Variants in GLIS3 observed in about 807,000 individuals in gnomAD.
The protein encoded by GLIS3 is GLIS family zinc finger 3.
Under a neutral mutation model 78.6 loss-of-function variants are expected in GLIS3, and 53 were observed. The observed-to-expected ratio is 0.67, with a 90% CI of 0.54 to 0.85. The LOEUF is 0.85. Among genes scored for constraint, GLIS3 ranks in the 40% least tolerant of loss-of-function variants. The probability of loss-of-function intolerance (pLI) is 0.00; values close to 1 mark genes in which losing one functional copy is unlikely to be tolerated. For synonymous variants in GLIS3, 684 were observed against 509.9 expected, an observed-to-expected ratio of 1.34 and a Z score of -4.60; for missense variants, 1,703 against 1,231.1, an observed-to-expected ratio of 1.38 and a Z score of -5.74.
chr9:4,244,565 T>C (rs1161014693), intron 2 of GLIS3, among the ~76,000 whole-genome samples: 3 of 152,104 alleles, frequency 2.0e-5, no homozygotes, highest in Non-Finnish European at 4.4e-5. Flanking sequence ...CTGTTAAAGA[T>C]CTCAAGGAAT....
chr9:3,926,128 G>C (rs1025761054), intron 6 of GLIS3, among the ~76,000 whole-genome samples: 2 of 152,078 alleles, frequency 1.3e-5, no homozygotes, highest in Non-Finnish European at 2.9e-5. Flanking sequence ...AACAAATTAA[G>C]ATGATCCTAA....
the GLIS3 span, among the ~76,000 whole-genome samples, chr9:4,377,597 C>T: frequency 2.9e-4 from 23 of 78,052 alleles, 6 homozygotes; most frequent in East Asian, 5.6e-3. Flanking sequence ...AACCCTAATA[C>T]AGGGTAATAA....
chr9:4,394,133 TTTTGACCCCCTTGA>T, the GLIS3 span, among the ~76,000 whole-genome samples: 3 of 151,274 alleles, frequency 2.0e-5, no homozygotes, highest in African/African-American at 7.2e-5. Context: ...TCTAAATTTA[TTTTGACCCCCTTGA>T]TTGCTAACCG....
intron 2 of GLIS3, among the ~76,000 whole-genome samples, chr9:4,231,166 A>G (rs1392060688): frequency 6.6e-6 from 1 of 152,230 alleles, no homozygotes; most frequent in Non-Finnish European, 1.5e-5. Flanking sequence ...TGAAAATTAA[A>G]AAGCAGAGTA....
the GLIS3 span, among the ~76,000 whole-genome samples, chr9:4,405,142 G>A: frequency 6.6e-6 from 1 of 152,052 alleles, no homozygotes; most frequent in South Asian, 2.1e-4. Flanking sequence ...ATCACCTGAG[G>A]TTGGGAGTTC....
chr9:4,211,514 G>C (rs1820372655), intron 2 of GLIS3, among the ~76,000 whole-genome samples: 1 of 152,366 alleles, frequency 6.6e-6, no homozygotes, highest in Non-Finnish European at 1.5e-5. Context: ...AGGGATGAAA[G>C]GGCATATAGC....
At chr9:4,002,090 C>A (rs572355177) in intron 4 of GLIS3, among the ~76,000 whole-genome samples, 36 of 152,270 alleles carry the variant, frequency 2.4e-4, no homozygotes, top group African/African-American at 8.7e-4. Context: ...ATCATTATCC[C>A]AGATTATTTG....
At chr9:4,290,264 A>C (rs1028326157) in intron 1 of GLIS3, among the ~76,000 whole-genome samples, 22 of 152,244 alleles carry the variant, frequency 1.4e-4, no homozygotes, top group African/African-American at 5.3e-4. Flanking sequence ...CTTATGCCAC[A>C]AGCACTTCTT....
At chr9:4,385,894 A>C in the GLIS3 span, among the ~76,000 whole-genome samples, 1 of 152,066 alleles carries the variant, frequency 6.6e-6, no homozygotes, top group East Asian at 1.9e-4. Flanking sequence ...CCAATCCCGA[A>C]AGAGATTCTA....
At chr9:3,965,641 G>A (rs2130900458) in intron 4 of GLIS3, among the ~76,000 whole-genome samples, 1 of 152,294 alleles carries the variant, frequency 6.6e-6, no homozygotes, top group South Asian at 2.1e-4. Context: ...CATGTGCATG[G>A]GGAAGGCCAG....
chr9:4,136,403 G>C (rs941833578), intron 2 of GLIS3, among the ~76,000 whole-genome samples: 11 of 152,138 alleles, frequency 7.2e-5, no homozygotes, highest in Non-Finnish European at 1.6e-4. Context: ...AATGAAGTTG[G>C]CCTCATGGAG....
intron 2 of GLIS3, among the ~76,000 whole-genome samples, chr9:4,270,888 GGTGTGTGTGTGTGTGT>G (rs148679668): frequency 0.084 from 12,373 of 146,850 alleles, 934 homozygotes; most frequent in African/African-American, 0.2. Flanking sequence ...CAATCTGTGT[GGTGTGTGTGTGTGTGT>G]GTGTGTGTGT....
intron 4 of GLIS3, among the ~76,000 whole-genome samples, chr9:4,030,543 T>G (rs913294366): frequency 1.3e-5 from 2 of 152,178 alleles, no homozygotes; most frequent in South Asian, 2.1e-4. Context: ...CTTTCCCCCA[T>G]GTTTTCTTGT....
chr9:4,119,316 G>T (rs1246786364), intron 3 of GLIS3, among the ~76,000 whole-genome samples: 1 of 152,114 alleles, frequency 6.6e-6, no homozygotes, highest in East Asian at 1.9e-4. Context: ...CAGAATCTCA[G>T]CCTTCAAGTA....
the GLIS3 span, among the ~76,000 whole-genome samples, chr9:4,451,809 G>A: frequency 6.6e-6 from 1 of 151,988 alleles, no homozygotes; most frequent in Non-Finnish European, 1.5e-5. Context: ...TGAGAACAAA[G>A]ACATTATGTA....
chr9:4,159,331 C>A (rs76009628), intron 2 of GLIS3, among the ~76,000 whole-genome samples: 2 of 152,132 alleles, frequency 1.3e-5, no homozygotes, highest in Non-Finnish European at 2.9e-5. Context: ...TCTTTCAATA[C>A]GGATGATCAT....
At chr9:4,211,553 G>A (rs1586990849) in intron 2 of GLIS3, among the ~76,000 whole-genome samples, 1 of 152,356 alleles carries the variant, frequency 6.6e-6, no homozygotes, top group South Asian at 2.1e-4. Flanking sequence ...TGAAGGCTAA[G>A]GGCTGCCGCA....
At chr9:4,319,409 G>T (rs961533744) in intron 2 of GLIS3, among the ~76,000 whole-genome samples, 2 of 152,166 alleles carry the variant, frequency 1.3e-5, no homozygotes, top group African/African-American at 4.8e-5. Flanking sequence ...GTACATGGAA[G>T]CTCATTATTC....
At chr9:4,145,817 G>A (rs980564248) in intron 2 of GLIS3, among the ~76,000 whole-genome samples, 1 of 151,492 alleles carries the variant, frequency 6.6e-6, no homozygotes, top group African/African-American at 2.4e-5. Flanking sequence ...CTGACTCCCA[G>A]AGAGAGTAAT....
Sources: gnomAD v4.1 joint callset for allele counts (sites outside exome capture counted in the v4.1 genomes callset) on GRCh38, gnomAD v4.1.1 for gene constraint, MANE v1.5 for transcripts, NCBI Gene and HGNC (gene_info 2026-07-23, HGNC 2026-07-21) for gene names.